The following WNT6 variants were observed in gnomAD, a reference collection of about 807,000 sequenced individuals.
WNT6 encodes Wnt family member 6.
WNT6 carries 27 observed loss-of-function variants against 33.1 expected under a neutral mutation model. That is an observed-to-expected ratio of 0.82 (90% CI 0.60 to 1.12). The LOEUF is 1.12. Ranked by LOEUF, WNT6 falls within the 50% of genes most tolerant of loss-of-function variation. WNT6 has a pLI of 0.00. For synonymous variants in WNT6, 249 were observed against 242.8 expected (o/e 1.03, Z -0.24); for missense variants, 494 against 535.3 (o/e 0.92, Z 0.76).
chr2:218,871,660 C>G lies in WNT6; in HGVS notation c.477C>G (p.Gly159=). 3 of 1,523,612 alleles carry G rather than the reference C, an allele frequency of 2.0e-6. No individual in the cohort carries two copies. Among genetic ancestry groups the G allele is most frequent in the Non-Finnish European group, 2.6e-6 (3 of 1,137,840 alleles). 94.4% of individuals were successfully genotyped at this position (1,523,612 alleles called of 1,614,324 possible). A position where few individuals can be genotyped will look rare whatever the true frequency, so the allele number is the denominator to read the frequency against. Residue 159 remains glycine (G), a synonymous_variant, in exon 3 of 4, where the codon GGC becomes GGG. Transcript: ENST00000233948. This position sits in a 1 kb window ranked among gnomAD's most constrained non-coding sequence, Gnocchi z 6.4. ...CCCCCGGACCCCCTGGCCCCGCGGG[C>G]TCCCCGGAAGGCAGCGCCGCCTGGG... is the stretch of plus-strand genomic sequence containing the variant. The part of the protein sequence containing the change: ...PGTPGPPGPA[G]SPEGSAAWEW...
chr2:218,869,014 C>T (rs1453088441), intron 1 of WNT6, among the ~76,000 whole-genome samples: 3 of 152,140 alleles, frequency 2.0e-5, no homozygotes, highest in African/African-American at 7.2e-5. Flanking sequence ...CCGATCAGCT[C>T]TCAAAAGTCA....
chr2:218,863,257 G>C (rs1035402528), intron 1 of WNT6, among the ~76,000 whole-genome samples: 2 of 152,194 alleles, frequency 1.3e-5, no homozygotes, highest in Non-Finnish European at 2.9e-5. Context: ...CCCAGGACCT[G>C]CTTTCCCTGG....
chr2:218,871,128 T>A lies in WNT6; in HGVS notation c.182T>A (p.Val61Glu). ...GAGTTGTGCCAGGCTGAGCCGGAAG[T>A]GGTGGCAGAGCTAGCTCGGGGCGCC... ...QAELCQAEPE[V>E]VAELARGARL... Residue 61 changes from valine to glutamate, a missense_variant, in exon 2 of 4, where the codon GTG (valine) becomes GAG (glutamate). Val to Glu is a moderately radical substitution (Grantham distance 121, BLOSUM62 -2). Transcript: ENST00000233948. This position sits in a 1 kb window ranked among gnomAD's most constrained non-coding sequence, Gnocchi z 6.4. 6.2e-7 allele frequency: 1 copy of A among 1,613,754 alleles called. No homozygotes were observed. Among genetic ancestry groups the A allele is most frequent in the Non-Finnish European group, 8.5e-7 (1 of 1,179,922 alleles).
chr2:218,869,261 C>A (rs541230113), intron 1 of WNT6, among the ~76,000 whole-genome samples: 1 of 152,142 alleles, frequency 6.6e-6, no homozygotes, highest in Non-Finnish European at 1.5e-5. Flanking sequence ...TGCACACACA[C>A]GTGTTTGTGT....
At chr2:218,862,985 A>T (rs1944322657) in intron 1 of WNT6, among the ~76,000 whole-genome samples, 1 of 152,204 alleles carries the variant, frequency 6.6e-6, no homozygotes, top group African/African-American at 2.4e-5. Context: ...GCTTACAGGC[A>T]TGAGCCATTG....
At chr2:218,863,827 G>A (rs1235235653) in intron 1 of WNT6, among the ~76,000 whole-genome samples, 2 of 152,168 alleles carry the variant, frequency 1.3e-5, no homozygotes, top group South Asian at 2.1e-4. Context: ...TCCAGCCTGG[G>A]TGACAGAGCA....
intron 1 of WNT6, among the ~76,000 whole-genome samples, chr2:218,868,575 C>T (rs1024926840): frequency 6.6e-6 from 1 of 152,174 alleles, no homozygotes; most frequent in Non-Finnish European, 1.5e-5. Context: ...AGAGAGGACT[C>T]ATTCCCTGCC....
In WNT6 at chr2:218,871,930, T is replaced by G; in HGVS notation, c.636+111T>G. 2.4e-4 allele frequency: 68 copies of G among 279,634 alleles called. No homozygotes were observed. Among genetic ancestry groups the G allele is most frequent in the East Asian group, 8.7e-4 (6 of 6,918 alleles). 17.3% of individuals were successfully genotyped at this position (279,634 alleles called of 1,614,324 possible). A position where few individuals can be genotyped will look rare whatever the true frequency, so the allele number is the denominator to read the frequency against. ...AGGGTGTGTAGGTGGAGGGGGGCGT[T>G]AATGTGTGGGGGAGTGCGCACGGGC... On this transcript the variant is annotated intron_variant, in intron 3 of 3. Transcript: ENST00000233948. The surrounding 1 kb of genome is among the most constrained non-coding windows in gnomAD (Gnocchi z 6.4).
intron 1 of WNT6, among the ~76,000 whole-genome samples, chr2:218,865,128 G>A (rs1272643075): frequency 6.6e-6 from 1 of 152,228 alleles, no homozygotes; most frequent in African/African-American, 2.4e-5. Context: ...CCAGGAGTTG[G>A]TGGGGAGAGG....
At position 218,871,266 on chromosome 2, in the gene WNT6, C is replaced by A. The variant is rs748758878; in HGVS notation, c.301+19C>A. 6 of 1,591,158 alleles carry A rather than the reference C, an allele frequency of 3.8e-6. No homozygotes were observed. The highest frequency in any genetic ancestry group is 5.1e-6 in the Non-Finnish European group (6 of 1,165,132). Reference sequence around the variant, plus strand: ...CAACAGGGTCAGTGTGGGGAGGGGGCGGAAGTGGGGCTGCTTTCTCCCTGC... The same window carrying A: ...CAACAGGGTCAGTGTGGGGAGGGGGAGGAAGTGGGGCTGCTTTCTCCCTGC... On this transcript the variant is annotated intron_variant, in intron 2 of 3. Transcript: ENST00000233948. This position sits in a 1 kb window ranked among gnomAD's most constrained non-coding sequence, Gnocchi z 6.4.
chr2:218,869,926 C>G (rs1278517991), intron 1 of WNT6, among the ~76,000 whole-genome samples: 1 of 152,164 alleles, frequency 6.6e-6, no homozygotes, highest in East Asian at 1.9e-4. Flanking sequence ...TCAGAGAAGG[C>G]AACAGATCCT....
At chr2:218,870,220 C>T (rs1289273951) in intron 1 of WNT6, among the ~76,000 whole-genome samples, 1 of 121,100 alleles carries the variant, frequency 8.3e-6, no homozygotes, top group Non-Finnish European at 1.6e-5. Context: ...GACTCCATCT[C>T]AATTAAAAAA....
At position 218,871,209 on chromosome 2, in the gene WNT6, C is replaced by A; in HGVS notation, c.263C>A (p.Ser88Tyr). The A allele has an allele frequency of 6.2e-7, 1 of 1,613,488 alleles. No individual in the cohort carries two copies. Among genetic ancestry groups the A allele is most frequent in the Non-Finnish European group, 8.5e-7 (1 of 1,179,790 alleles). Residue 88 changes from serine (S) to tyrosine (Y), a missense_variant, in exon 2 of 4, where the codon TCC becomes TAC. Physicochemically the swap from Ser to Tyr is moderately radical, Grantham distance 144. Coordinates refer to ENST00000233948, the MANE Select transcript of WNT6 (RefSeq NM_006522.4). The surrounding 1 kb of genome is among the most constrained non-coding windows in gnomAD (Gnocchi z 6.4). Reference protein sequence around the residue: ...FQFRFRRWNCSSHSKAFGRIL... With the variant: ...FQFRFRRWNCYSHSKAFGRIL... ...TTCCGCTTCCGCCGCTGGAATTGCT[C>A]CAGCCACAGCAAGGCCTTTGGACGC...
chr2:218,870,208 A>C (rs546858946), intron 1 of WNT6, among the ~76,000 whole-genome samples: 2 of 148,636 alleles, frequency 1.3e-5, no homozygotes, highest in South Asian at 4.3e-4. Flanking sequence ...GTGACAGAGC[A>C]AGACTCCATC....
Position 218,873,718 on chromosome 2 carries a change from G to T in WNT6, c.971G>T (p.Cys324Phe). Reference protein sequence around the residue: ...APDLSGCDLLCCGRGHRQESV... With the variant: ...APDLSGCDLLFCGRGHRQESV... ...GACCTCAGCGGCTGCGACCTGCTGT[G>T]CTGCGGCCGCGGGCACCGCCAGGAG... Residue 324 changes from cysteine (C) to phenylalanine (F), a missense_variant, in exon 4 of 4, where the codon TGC becomes TTC. Coordinates refer to ENST00000233948, the MANE Select transcript of WNT6 (RefSeq NM_006522.4). This position sits in a 1 kb window ranked among gnomAD's most constrained non-coding sequence, Gnocchi z 6.1. 1 of 1,574,672 alleles carries T rather than the reference G, an allele frequency of 6.4e-7. No homozygotes were observed. The highest frequency in any genetic ancestry group is 8.6e-7 in the Non-Finnish European group (1 of 1,166,804).
intron 1 of WNT6, among the ~76,000 whole-genome samples, chr2:218,862,893 C>T (rs188616368): frequency 5.3e-5 from 8 of 151,958 alleles, no homozygotes; most frequent in South Asian, 2.1e-4. Flanking sequence ...TTAGTAGAGA[C>T]GAGGTTTCAC....
chr2:218,870,616 C>A (rs1257892199), intron 1 of WNT6, among the ~76,000 whole-genome samples: 2 of 152,218 alleles, frequency 1.3e-5, no homozygotes, highest in African/African-American at 4.8e-5. Flanking sequence ...TCTTTGGTGT[C>A]TCTTGACGAC....
At position 218,871,444 on chromosome 2, in the gene WNT6, C is replaced by A. The variant is rs1229975941; in HGVS notation, c.302-41C>A. The A allele has an allele frequency of 1.3e-6, 2 of 1,583,844 alleles. No homozygotes were observed. The highest frequency in any genetic ancestry group is 1.7e-6 in the Non-Finnish European group (2 of 1,170,450). ...GTTTCAGGTCCCAGGCCCCAGCTGACCGCCCCAGCCCGCGCTGATTGCACC... is the reference window on the plus strand; with the variant it reads ...GTTTCAGGTCCCAGGCCCCAGCTGAACGCCCCAGCCCGCGCTGATTGCACC... On this transcript the variant is annotated intron_variant, in intron 2 of 3. Coordinates refer to ENST00000233948, the MANE Select transcript of WNT6 (RefSeq NM_006522.4). The surrounding 1 kb of genome is among the most constrained non-coding windows in gnomAD (Gnocchi z 6.4).
Position 218,873,713 on chromosome 2 carries a change from G to C in WNT6, c.966G>C (p.Leu322=), listed in dbSNP as rs1289083279. 1 of 1,575,120 alleles carries C rather than the reference G, an allele frequency of 6.3e-7. No homozygotes were observed. The highest frequency in any genetic ancestry group is 1.7e-5 in the Admixed American group (1 of 57,910). Residue 322 remains leucine (L), a synonymous_variant, in exon 4 of 4, where the codon CTG becomes CTC. Coordinates refer to ENST00000233948, the MANE Select transcript of WNT6 (RefSeq NM_006522.4). The surrounding 1 kb of genome is among the most constrained non-coding windows in gnomAD (Gnocchi z 6.1). ...CCCCGGACCTCAGCGGCTGCGACCT[G>C]CTGTGCTGCGGCCGCGGGCACCGCC... The part of the protein sequence containing the change: ...SSAPDLSGCD[L]LCCGRGHRQE...
Sources: gnomAD v4.1 joint callset for allele counts (sites outside exome capture counted in the v4.1 genomes callset) on GRCh38, gnomAD v4.1.1 for gene constraint, Gnocchi (gnomAD v3.1) non-coding constraint, MANE v1.5 for transcripts, NCBI Gene and HGNC (gene_info 2026-07-23, HGNC 2026-07-21) for gene names.